NTM: variants seen among roughly 807,000 people sequenced by gnomAD.
NTM encodes neurotrimin.
A neutral mutation model predicts 42.1 loss-of-function variants in NTM; 13 were observed. That is an observed-to-expected ratio of 0.31 (90% CI 0.20 to 0.49). The LOEUF is 0.49. NTM is among the 20% of genes least tolerant of loss of function. NTM has a pLI of 0.99. For missense variants in NTM, 373 were observed against 452.8 expected (o/e 0.82, Z 1.60); for synonymous variants, 187 against 179.2 (o/e 1.04, Z -0.35).
At chr11:131,492,503 C>T (rs1032910939) in intron 1 of NTM, among the ~76,000 whole-genome samples, 4 of 152,172 alleles carry the variant, frequency 2.6e-5, no homozygotes, top group African/African-American at 7.2e-5. Flanking sequence ...AAATATGTAG[C>T]TTAGAGAAAC....
At chr11:132,291,948 C>T (rs544678988) in intron 4 of NTM, among the ~76,000 whole-genome samples, 2 of 152,266 alleles carry the variant, frequency 1.3e-5, no homozygotes, top group South Asian at 2.1e-4. Flanking sequence ...TGAGACAGCA[C>T]ATTTGGACAA....
rs554343122 is a variant in NTM, at chr11:131,621,022, T to C, written c.82+250134T>C. On this transcript the variant is annotated intron_variant, in intron 1 of 8. Coordinates refer to ENST00000683400, the MANE Select transcript of NTM (RefSeq NM_001352005.2). ...AATGTGATGCTGCCAGACACAAAGC[T>C]TGTAATTGTATGTTGAAAGAAAACA... Among the ~76,000 whole-genome samples, 85 of 152,276 alleles carry C rather than the reference T, an allele frequency of 5.6e-4. 2 individuals carry two copies. Among genetic ancestry groups the C allele is most frequent in the Admixed American group, 5.5e-3 (84 of 15,290 alleles).
intron 4 of NTM, among the ~76,000 whole-genome samples, chr11:132,283,459 G>T (rs1430082563): frequency 6.6e-6 from 1 of 152,122 alleles, no homozygotes; most frequent in Admixed American, 6.5e-5. Flanking sequence ...TCTAGTGCAG[G>T]GTTTGGTGCC....
At chr11:132,167,209 GTTC>G (rs1566358083) in intron 3 of NTM, among the ~76,000 whole-genome samples, 1 of 151,856 alleles carries the variant, frequency 6.6e-6, no homozygotes, top group Non-Finnish European at 1.5e-5. Flanking sequence ...TGGAGTTTGA[GTTC>G]TTCTCTTCCT....
intron 4 of NTM, among the ~76,000 whole-genome samples, chr11:132,245,189 A>G (rs1021808333): frequency 1.3e-5 from 2 of 152,106 alleles, no homozygotes; most frequent in African/African-American, 4.8e-5. Flanking sequence ...TTTAACAGGG[A>G]AGCTGCACCG....
intron 2 of NTM, among the ~76,000 whole-genome samples, chr11:132,037,743 G>A (rs577855415): frequency 9.9e-5 from 15 of 152,234 alleles, no homozygotes; most frequent in Admixed American, 4.6e-4. Flanking sequence ...AAAACACCTT[G>A]CTGATTTAAT....
chr11:131,677,386 A>C (rs1307926168), intron 1 of NTM, among the ~76,000 whole-genome samples: 1 of 152,234 alleles, frequency 6.6e-6, no homozygotes, highest in East Asian at 1.9e-4. Flanking sequence ...AAAGTGCTAG[A>C]CCAATGCAAT....
chr11:131,569,903 A>G (rs1004129926), intron 1 of NTM, among the ~76,000 whole-genome samples: 1 of 152,200 alleles, frequency 6.6e-6, no homozygotes, highest in Non-Finnish European at 1.5e-5. Context: ...TTCTAGGCCT[A>G]AGAAAGACCT....
chr11:131,721,975 G>C (rs1485806899), intron 1 of NTM, among the ~76,000 whole-genome samples: 2 of 111,684 alleles, frequency 1.8e-5, no homozygotes, highest in Non-Finnish European at 3.3e-5. Flanking sequence ...CTCCAGCCAG[G>C]ACAAGAGTGA....
chr11:132,290,763 T>C (rs2094430294), intron 4 of NTM, among the ~76,000 whole-genome samples: 1 of 152,152 alleles, frequency 6.6e-6, no homozygotes, highest in African/African-American at 2.4e-5. Flanking sequence ...ACCAAGTAGT[T>C]AAGATGTACA....
intron 1 of NTM, among the ~76,000 whole-genome samples, chr11:131,426,447 T>C (rs1214121627): frequency 1.3e-5 from 2 of 152,128 alleles, no homozygotes; most frequent in East Asian, 3.9e-4. Context: ...CCGTATGCTG[T>C]GGAGAATTCC....
At chr11:132,206,682 A>G (rs2082038633) in intron 3 of NTM, among the ~76,000 whole-genome samples, 1 of 152,114 alleles carries the variant, frequency 6.6e-6, no homozygotes, top group Admixed American at 6.5e-5. Flanking sequence ...GTATTTCTTC[A>G]GTTTGTGGAT....
intron 4 of NTM, among the ~76,000 whole-genome samples, chr11:132,295,900 A>G (rs1396368852): frequency 6.6e-6 from 1 of 152,216 alleles, no homozygotes; most frequent in East Asian, 1.9e-4. Flanking sequence ...TAAAGAGGAT[A>G]TTGTAATAAT....
chr11:132,092,179 G>A (rs2060452495), intron 2 of NTM, among the ~76,000 whole-genome samples: 1 of 152,172 alleles, frequency 6.6e-6, no homozygotes, highest in South Asian at 2.1e-4. Context: ...AATGGAACGT[G>A]ATCAAATCTA....
At chr11:131,580,296 A>G (rs2058290699) in intron 1 of NTM, among the ~76,000 whole-genome samples, 1 of 152,206 alleles carries the variant, frequency 6.6e-6, no homozygotes, top group Admixed American at 6.5e-5. Flanking sequence ...CATTTCAGGC[A>G]TAACTCTCAT....
At chr11:132,171,505 C>A (rs954622187) in intron 3 of NTM, among the ~76,000 whole-genome samples, 4 of 152,072 alleles carry the variant, frequency 2.6e-5, no homozygotes, top group African/African-American at 9.7e-5. Flanking sequence ...TTTATAACGA[C>A]ACTAATCCGA....
chr11:131,479,174 G>A (rs1186198190), intron 1 of NTM, among the ~76,000 whole-genome samples: 3 of 152,218 alleles, frequency 2.0e-5, no homozygotes, highest in African/African-American at 7.2e-5. Context: ...AGATAAATTA[G>A]AGACATTCTC....
At chr11:132,257,091 G>T (rs528369143) in intron 4 of NTM, among the ~76,000 whole-genome samples, 7 of 152,186 alleles carry the variant, frequency 4.6e-5, no homozygotes, top group African/African-American at 1.4e-4. Flanking sequence ...ATCAAAGCGC[G>T]CTCTGGCACC....
intron 1 of NTM, chr11:131,770,897 G>A (rs1300693799): frequency 6.6e-6 from 1 of 152,186 alleles, no homozygotes; most frequent in Non-Finnish European, 1.5e-5. Context: ...TTCAAAGTCT[G>A]CAGCTTTTGG....
Sources: allele counts gnomAD v4.1 joint callset (sites outside exome capture counted in the v4.1 genomes callset), GRCh38; gene constraint gnomAD v4.1.1; transcripts MANE v1.5; gene names NCBI Gene and HGNC (gene_info 2026-07-23, HGNC 2026-07-21).